Variants in ABCA10 observed in about 807,000 individuals in gnomAD.
ABCA10 encodes the protein ATP-binding cassette sub-family A member 10.
In ABCA10, 169 loss-of-function variants were observed where a neutral mutation model predicts 187.5. The observed-to-expected ratio is 0.90, with a 90% CI of 0.80 to 1.02. The LOEUF (loss-of-function observed/expected upper bound fraction) is 1.02, where lower values mean the gene tolerates loss of function less well. Ranked by LOEUF, ABCA10 falls within the 50% of genes least tolerant of loss-of-function variation. ABCA10 has a pLI of 0.00. For synonymous variants in ABCA10, 574 were observed against 601.8 expected, an observed-to-expected ratio of 0.95 and a Z score of 0.68; for missense variants, 1,727 against 1,812.4, an observed-to-expected ratio of 0.95 and a Z score of 0.86.
At chr17:69,177,249 A>T (rs1291106556) in intron 22 of ABCA10, among the ~76,000 whole-genome samples, 1 of 152,112 alleles carries the variant, frequency 6.6e-6, no homozygotes, top group Non-Finnish European at 1.5e-5. Context: ...TCAATTTCCT[A>T]AGCTACAAAA....
At chr17:69,223,122 C>A (rs540541233) in intron 3 of ABCA10, among the ~76,000 whole-genome samples, 40 of 152,094 alleles carry the variant, frequency 2.6e-4, no homozygotes, top group Non-Finnish European at 2.8e-4. Context: ...CATATTTTTG[C>A]TTCATACAAG....
rs957135935 is a variant in ABCA10, at chr17:69,174,572, A to G, written c.3048+35T>C. On this transcript the variant is annotated intron_variant, in intron 24 of 38. Transcript: ENST00000690296. Reference sequence around the variant, plus strand: ...AATGAATTTTCATTTTGATTCTACTATTATAATTGGCTTGTGGAAAAAATG... The same window carrying G: ...AATGAATTTTCATTTTGATTCTACTGTTATAATTGGCTTGTGGAAAAAATG... 33 of 1,538,666 alleles carry G rather than the reference A, an allele frequency of 2.1e-5. No homozygotes were observed. In the Middle Eastern group the frequency reaches 8.7e-4, roughly 41 times the overall value.
chr17:69,207,113 A>G (rs2074597682), intron 9 of ABCA10, among the ~76,000 whole-genome samples: 1 of 152,224 alleles, frequency 6.6e-6, no homozygotes, highest in Admixed American at 6.5e-5. Context: ...AGGAGACATA[A>G]AAATGGCCAA....
At chr17:69,216,414 G>T in intron 6 of ABCA10, 56 bp from the exon 7 acceptor site, 4 of 1,537,706 alleles carry the variant, frequency 2.6e-6, no homozygotes, top group Non-Finnish European at 2.6e-6. Context: ...GTTTGGAGAG[G>T]TAATGTGCGA....
At chr17:69,197,021 GGGGAGA>G (rs752657441) in intron 11 of ABCA10, 37 bp downstream of exon 11, 334 of 1,396,546 alleles carry the variant, frequency 2.4e-4, no homozygotes, top group African/African-American at 7.2e-4. Flanking sequence ...GGAGGGGGAG[GGGGAGA>G]GGGAGAGGGA....
chr17:69,154,206 A>C lies in ABCA10; in HGVS notation c.3786+29T>G, dbSNP rs138422677. ...AATAGAAAGATGTCATCAATATTTA[A>C]AATAAAATTTCCTTCACATGTCACA... is the stretch of plus-strand genomic sequence containing the variant. On this transcript the variant is annotated intron_variant, in intron 31 of 38. Coordinates refer to ENST00000690296, the MANE Select transcript of ABCA10 (RefSeq NM_001377321.1). 315 of 1,548,760 alleles carry C rather than the reference A, an allele frequency of 2.0e-4. 1 individual carries two copies. The East Asian group carries it at 5.4e-3, about 27-fold the overall frequency.
chr17:69,161,436 T>C (rs1479946466), intron 27 of ABCA10, among the ~76,000 whole-genome samples: 1 of 152,182 alleles, frequency 6.6e-6, no homozygotes, highest in Non-Finnish European at 1.5e-5. Context: ...TGAAAAAACT[T>C]ATATGTGAAA....
rs560110351 is a variant in ABCA10, at chr17:69,148,593, G to A, written c.*234C>T. ...TTAAATTATTTTTAAGCACAAAATA[G>A]ACCCATGTTGGGGATGAATAACATG... is the stretch of plus-strand genomic sequence containing the variant. On this transcript the variant is annotated 3_prime_UTR_variant, in exon 39 of 39. Transcript: ENST00000690296. The A allele has an allele frequency of 5.2e-4, 224 of 430,460 alleles. 1 individual carries two copies. The highest frequency in any genetic ancestry group is 7.1e-4 in the Non-Finnish European group (172 of 242,884). 26.7% of individuals were successfully genotyped at this position (430,460 alleles called of 1,614,324 possible).
intron 22 of ABCA10, among the ~76,000 whole-genome samples, chr17:69,177,973 AATAT>A (rs58222975): frequency 1.8e-4 from 9 of 49,980 alleles, no homozygotes; most frequent in African/African-American, 5.5e-4. Flanking sequence ...AAAAAAAAAA[AATAT>A]ATATATATAT....
At position 69,225,541 on chromosome 17, in the gene ABCA10, A is replaced by G. The variant is rs1598127255; in HGVS notation, c.-171-12T>C. 2 of 561,608 alleles carry G rather than the reference A, an allele frequency of 3.6e-6. No individual in the cohort carries two copies. Among genetic ancestry groups the G allele is most frequent in the Non-Finnish European group, 3.1e-6 (1 of 320,420 alleles). The allele number at this position is 561,608 out of a possible 1,614,324, so 34.8% of individuals were successfully genotyped here. A position where few individuals can be genotyped will look rare whatever the true frequency, so the allele number is the denominator to read the frequency against. On this transcript the variant is annotated splice_polypyrimidine_tract_variant and intron_variant, in intron 2 of 38. Coordinates refer to ENST00000690296, the MANE Select transcript of ABCA10 (RefSeq NM_001377321.1). ...GTTATTGTCCATTCCTCCAGCACAC[A>G]AAAGAGAAATGAGCCATGTTATAAC...
chr17:69,185,342 C>T, intron 20 of ABCA10, 135 bp downstream of exon 20: 1 of 767,576 alleles, frequency 1.3e-6, no homozygotes, highest in Admixed American at 3.4e-5. Context: ...GAAAATTAAC[C>T]CATCAGTTTC....
At chr17:69,163,420 T>C (rs34343155) in intron 27 of ABCA10, among the ~76,000 whole-genome samples, 5,767 of 152,284 alleles carry the variant, frequency 0.038, 145 homozygotes, top group Non-Finnish European at 0.059. Flanking sequence ...TGTATGCCTT[T>C]AGAATTCAAT....
chr17:69,236,689 A>T (rs1328609863), intron 1 of ABCA10, among the ~76,000 whole-genome samples: 1 of 152,206 alleles, frequency 6.6e-6, no homozygotes, highest in African/African-American at 2.4e-5. Flanking sequence ...CAATGCATTA[A>T]ATCAGTATTT....
intron 9 of ABCA10, 101 bp downstream of exon 9, chr17:69,214,603 C>CTATCAGAAATGCT: frequency 9.4e-7 from 1 of 1,062,712 alleles, no homozygotes; most frequent in Non-Finnish European, 1.3e-6. Flanking sequence ...TTCTTCTCTA[C>CTATCAGAAATGCT]TATCAGAAAT....
chr17:69,180,525 T>A (rs1327830724), intron 22 of ABCA10, among the ~76,000 whole-genome samples: 1 of 152,098 alleles, frequency 6.6e-6, no homozygotes, highest in African/African-American at 2.4e-5. Context: ...ACAACATCGA[T>A]TCTATATTAA....
At position 69,157,011 on chromosome 17, in the gene ABCA10, G is replaced by A. The variant is rs1216486426; in HGVS notation, c.3364-88C>T. The A allele has an allele frequency of 4.0e-6, 3 of 751,084 alleles. No individual in the cohort carries two copies. In the African/African-American group the frequency reaches 5.8e-5, roughly 15 times the overall value. 46.5% of individuals were successfully genotyped at this position (751,084 alleles called of 1,614,324 possible). ...ATTTGTCCATTTTTTTGTCACAGAA[G>A]ATTTGATCATTTTCTTGAAGATTTG... On this transcript the variant is annotated intron_variant, in intron 27 of 38. Coordinates refer to ENST00000690296, the MANE Select transcript of ABCA10 (RefSeq NM_001377321.1).
chr17:69,236,713 A>G (rs909597795), intron 1 of ABCA10, among the ~76,000 whole-genome samples: 1 of 152,124 alleles, frequency 6.6e-6, no homozygotes, highest in African/African-American at 2.4e-5. Context: ...AATGGGAGTA[A>G]TTTTGTCTTC....
intron 25 of ABCA10, among the ~76,000 whole-genome samples, chr17:69,169,830 A>G (rs1271323565): frequency 6.6e-6 from 1 of 152,248 alleles, no homozygotes; most frequent in Non-Finnish European, 1.5e-5. Context: ...GGAATAAACA[A>G]TATAAACTGA....
intron 6 of ABCA10, among the ~76,000 whole-genome samples, chr17:69,216,885 C>T (rs1442899204): frequency 2.6e-5 from 4 of 152,098 alleles, no homozygotes; most frequent in Non-Finnish European, 4.4e-5. Context: ...GGACATTAGA[C>T]AATGTATTAT....
Sources: allele counts gnomAD v4.1 joint callset (sites outside exome capture counted in the v4.1 genomes callset), GRCh38; gene constraint gnomAD v4.1.1; transcripts MANE v1.5; gene names NCBI Gene and HGNC (gene_info 2026-07-23, HGNC 2026-07-21).